Variants in ZNF385D observed in about 807,000 individuals in gnomAD.
ZNF385D encodes the protein zinc finger protein 659.
ZNF385D carries 15 observed loss-of-function variants against 35.8 expected under a neutral mutation model. The ratio of observed to expected loss-of-function variants is 0.42; its 90% CI spans 0.28 to 0.64. The LOEUF (loss-of-function observed/expected upper bound fraction) is 0.64, where lower values mean the gene tolerates loss of function less well. ZNF385D is among the 30% of genes least tolerant of loss of function. ZNF385D has a pLI of 0.23. For missense variants in ZNF385D, 474 were observed against 494.6 expected (o/e 0.96, Z 0.39); for synonymous variants, 212 against 186.8 (o/e 1.13, Z -1.10).
chr3:22,120,041 A>G (rs564971485), intron 3 of ZNF385D, among the ~76,000 whole-genome samples: 1 of 148,936 alleles, frequency 6.7e-6, no homozygotes, highest in Admixed American at 6.8e-5. Flanking sequence ...TCTTGACCAG[A>G]TTAGTCTTGA....
intron 3 of ZNF385D, among the ~76,000 whole-genome samples, chr3:21,884,369 C>T (rs1387904419): frequency 6.6e-6 from 1 of 151,966 alleles, no homozygotes; most frequent in Non-Finnish European, 1.5e-5. Flanking sequence ...CTGAGTGCTT[C>T]TCCTAATGTC....
chr3:22,071,124 G>A (rs1700209755), intron 3 of ZNF385D, among the ~76,000 whole-genome samples: 1 of 152,108 alleles, frequency 6.6e-6, no homozygotes, highest in Non-Finnish European at 1.5e-5. Flanking sequence ...ATGCTCCTGT[G>A]CCTGGCTTTG....
At chr3:21,475,987 T>G (rs1704218269) in intron 4 of ZNF385D, among the ~76,000 whole-genome samples, 1 of 152,074 alleles carries the variant, frequency 6.6e-6, no homozygotes, top group African/African-American at 2.4e-5. Context: ...AGCAGACACA[T>G]AAGAATATTG....
In ZNF385D at chr3:22,321,515, G is replaced by A. The variant is rs1018427140; in HGVS notation, c.106+50935C>T. ...CGAGTAGCTGGGACTACAGGGGCCC[G>A]CCACCACGCCCGGCTAATTTTTTGT... On this transcript the variant is annotated intron_variant, in intron 2 of 5. Transcript: ENST00000494108. 4.6e-5 allele frequency among the ~76,000 whole-genome samples: 7 copies of A among 151,688 alleles called. No homozygotes were observed. In the East Asian group the frequency reaches 5.8e-4, roughly 13 times the overall value.
At chr3:21,474,630 G>A (rs1194168430) in intron 4 of ZNF385D, among the ~76,000 whole-genome samples, 1 of 152,018 alleles carries the variant, frequency 6.6e-6, no homozygotes, top group Non-Finnish European at 1.5e-5. Flanking sequence ...ATTTTACTTT[G>A]GAGGTTAGAA....
chr3:22,356,996 A>G (rs1696182083), intron 2 of ZNF385D, among the ~76,000 whole-genome samples: 1 of 151,942 alleles, frequency 6.6e-6, no homozygotes, highest in Non-Finnish European at 1.5e-5. Flanking sequence ...GCAAGTTATA[A>G]TAAAACCTAC....
intron 4 of ZNF385D, among the ~76,000 whole-genome samples, chr3:21,463,201 A>C (rs1260497380): frequency 4.1e-5 from 3 of 73,602 alleles, no homozygotes; most frequent in Non-Finnish European, 8.2e-5. Flanking sequence ...GACTAAGAGT[A>C]AAAATAAAAG....
intron 3 of ZNF385D, among the ~76,000 whole-genome samples, chr3:22,127,316 GCTTTTTTTTTT>G (rs1559389414): frequency 1.3e-5 from 1 of 76,080 alleles, no homozygotes; most frequent in East Asian, 3.5e-4. Flanking sequence ...TTCATTTCCT[GCTTTTTTTTTT>G]TTTTTTTTTT....
chr3:22,187,515 T>C (rs183602995), intron 2 of ZNF385D, among the ~76,000 whole-genome samples: 9 of 152,202 alleles, frequency 5.9e-5, no homozygotes, highest in African/African-American at 1.9e-4. Flanking sequence ...AAGACATATA[T>C]GTACTTTTAA....
chr3:21,442,688 A>G (rs1701922160), intron 4 of ZNF385D, among the ~76,000 whole-genome samples: 1 of 151,706 alleles, frequency 6.6e-6, no homozygotes, highest in Non-Finnish European at 1.5e-5. Context: ...TTCTTGTAAA[A>G]TAAAAAAAGT....
At chr3:21,508,206 C>T (rs1706932121) in intron 4 of ZNF385D, among the ~76,000 whole-genome samples, 1 of 152,138 alleles carries the variant, frequency 6.6e-6, no homozygotes, top group South Asian at 2.1e-4. Flanking sequence ...ATCTCAACAC[C>T]ATTTCCACTG....
chr3:22,264,944 C>T (rs1700821984), intron 2 of ZNF385D, among the ~76,000 whole-genome samples: 1 of 151,916 alleles, frequency 6.6e-6, no homozygotes, highest in African/African-American at 2.4e-5. Flanking sequence ...TCTGTAGTAG[C>T]CTCAGAAGTT....
intron 3 of ZNF385D, among the ~76,000 whole-genome samples, chr3:21,890,571 A>G (rs577712551): frequency 6.6e-6 from 1 of 152,288 alleles, no homozygotes; most frequent in South Asian, 2.1e-4. Context: ...GTGAGCCAAG[A>G]TCGCGCCACT....
At chr3:21,628,568 T>C (rs2065197587) in intron 2 of ZNF385D, among the ~76,000 whole-genome samples, 2 of 152,118 alleles carry the variant, frequency 1.3e-5, no homozygotes, top group South Asian at 4.1e-4. Flanking sequence ...AGGTCTTGAT[T>C]TACTCCCTGC....
At chr3:22,297,503 A>G (rs961487881) in intron 2 of ZNF385D, among the ~76,000 whole-genome samples, 14 of 152,052 alleles carry the variant, frequency 9.2e-5, no homozygotes, top group African/African-American at 3.1e-4. Context: ...TACCTTATAG[A>G]GAGAAGGGGG....
At chr3:21,975,051 G>C (rs531133221) in intron 3 of ZNF385D, among the ~76,000 whole-genome samples, 26 of 152,290 alleles carry the variant, frequency 1.7e-4, no homozygotes, top group Middle Eastern at 3.4e-3. Flanking sequence ...ATACAATTCA[G>C]CAATACCACT....
chr3:21,806,822 A>C (rs2072673834), intron 3 of ZNF385D, among the ~76,000 whole-genome samples: 1 of 152,196 alleles, frequency 6.6e-6, no homozygotes, highest in Non-Finnish European at 1.5e-5. Context: ...CTGGGAGAAG[A>C]CTCTCAAAGA....
At chr3:21,810,809 T>C (rs898054483) in intron 3 of ZNF385D, among the ~76,000 whole-genome samples, 2 of 152,010 alleles carry the variant, frequency 1.3e-5, no homozygotes, top group Non-Finnish European at 2.9e-5. Flanking sequence ...AATGAGTTAA[T>C]TTAAACATAG....
At chr3:21,922,981 C>T (rs1700547199) in intron 3 of ZNF385D, among the ~76,000 whole-genome samples, 1 of 152,086 alleles carries the variant, frequency 6.6e-6, no homozygotes, top group African/African-American at 2.4e-5. Flanking sequence ...AAGACATGAA[C>T]ATACACTTCT....
Sources: allele counts gnomAD v4.1 joint callset (sites outside exome capture counted in the v4.1 genomes callset), GRCh38; gene constraint gnomAD v4.1.1; transcripts MANE v1.5; gene names NCBI Gene and HGNC (gene_info 2026-07-23, HGNC 2026-07-21).